The following ARFGEF1 variants were observed in gnomAD, a reference collection of about 807,000 sequenced individuals.
ARFGEF1 encodes ARF guanine nucleotide exchange factor 1.
Under a neutral mutation model 231.0 loss-of-function variants are expected in ARFGEF1, and 42 were observed. That is an observed-to-expected ratio of 0.18 (90% CI 0.14 to 0.24). The LOEUF is 0.24. ARFGEF1 is among the 10% of genes least tolerant of loss of function. The pLI, the probability that ARFGEF1 is intolerant of heterozygous loss-of-function variation, is 1.00. For synonymous variants in ARFGEF1, 710 were observed against 732.3 expected (o/e 0.97, Z 0.49); for missense variants, 1,345 against 2,192.0 (o/e 0.61, Z 7.72).
At chr8:67,216,997 CAA>C (rs751978111) in intron 32 of ARFGEF1, among the ~76,000 whole-genome samples, 3 of 127,766 alleles carry the variant, frequency 2.3e-5, no homozygotes, top group Non-Finnish European at 5.1e-5. Flanking sequence ...AGAGGCTTCT[CAA>C]AAAAAAAAAA....
chr8:67,225,031 A>G lies in ARFGEF1; in HGVS notation c.4080T>C (p.Ala1360=). 1.3e-6 allele frequency: 2 copies of G among 1,590,526 alleles called. No individual in the cohort carries two copies. Among genetic ancestry groups the G allele is most frequent in the Non-Finnish European group, 1.7e-6 (2 of 1,170,316 alleles). The change falls in exon 29 of 39, where the codon GCT becomes GCC. Residue 1360 remains alanine (A), a splice_region_variant and synonymous_variant. Coordinates refer to ENST00000262215, the MANE Select transcript of ARFGEF1 (RefSeq NM_006421.5). Reference sequence around the variant, plus strand: ...TATCATCGCTTGTGTATTCCTTGAAAGCCTTCAAGAAAAAAGGTAGGGTTA... The same window carrying G: ...TATCATCGCTTGTGTATTCCTTGAAGGCCTTCAAGAAAAAAGGTAGGGTTA... ...CAKYVSDRPQ[A]FKEYTSDDMN... is the part of the protein sequence containing the mutation.
Position 67,201,455 on chromosome 8 carries a change from C to G in ARFGEF1, c.5267+12G>C, listed in dbSNP as rs776340419. The G allele has an allele frequency of 6.2e-7, 1 of 1,600,466 alleles. No homozygotes were observed. Among genetic ancestry groups the G allele is most frequent in the Non-Finnish European group, 8.5e-7 (1 of 1,175,826 alleles). ...TACCTGGTCAGAGATGGAAATCAGT[C>G]AAAAGTCTTACTTCAAAAGCCTCTG... On this transcript the variant is annotated intron_variant, in intron 37 of 38. Transcript: ENST00000262215.
chr8:67,175,453 G>A, downstream of ARFGEF1: 1 of 1,613,904 alleles, frequency 6.2e-7, no homozygotes, highest in Non-Finnish European at 8.5e-7. Flanking sequence ...AATAATCATT[G>A]CTGTGTCAAA....
At chr8:67,179,270 A>G (rs182431940) in intron 5 of ARFGEF1, among the ~76,000 whole-genome samples, 6 of 152,194 alleles carry the variant, frequency 3.9e-5, no homozygotes, top group Admixed American at 2.6e-4. Flanking sequence ...ACTATACTAT[A>G]TGCTCCACTA....
intron 9 of ARFGEF1, among the ~76,000 whole-genome samples, chr8:67,273,732 T>C (rs887296272): frequency 3.3e-5 from 5 of 151,822 alleles, no homozygotes; most frequent in African/African-American, 1.2e-4. Flanking sequence ...ATGCAGCAAA[T>C]AGATAATTAC....
intron 1 of ARFGEF1, among the ~76,000 whole-genome samples, chr8:67,339,835 C>CAAAATGAAGTCTGACATAAG: frequency 9.6e-6 from 1 of 104,040 alleles, no homozygotes; most frequent in Non-Finnish European, 1.9e-5. Flanking sequence ...TTCTTTACTT[C>CAAAATGAAGTCTGACATAAG]AAAATGAAGT....
chr8:67,252,127 T>G (rs1840305503), intron 18 of ARFGEF1, among the ~76,000 whole-genome samples: 1 of 151,332 alleles, frequency 6.6e-6, no homozygotes, highest in African/African-American at 2.4e-5. Context: ...AAAAAATTAG[T>G]CAGGTGTGGT....
intron 1 of ARFGEF1, among the ~76,000 whole-genome samples, chr8:67,326,585 G>A (rs1012298654): frequency 1.3e-5 from 2 of 152,126 alleles, no homozygotes; most frequent in East Asian, 3.9e-4. Flanking sequence ...AACCAATTAG[G>A]TTCTCTCAAA....
At chr8:67,292,395 C>T (rs1587239841) in intron 5 of ARFGEF1, among the ~76,000 whole-genome samples, 1 of 152,054 alleles carries the variant, frequency 6.6e-6, no homozygotes, top group African/African-American at 2.4e-5. Flanking sequence ...ATGAAACACA[C>T]GCACACACAT....
intron 1 of ARFGEF1, among the ~76,000 whole-genome samples, chr8:67,326,614 T>G (rs1000975698): frequency 7.2e-5 from 11 of 152,348 alleles, no homozygotes; most frequent in Middle Eastern, 3.4e-3. Context: ...TTATTTCTTA[T>G]ATAATACTTA....
chr8:67,193,488 C>A (rs1017040124), downstream of ARFGEF1: 8 of 1,613,082 alleles, frequency 5.0e-6, no homozygotes, highest in African/African-American at 4.0e-5. Context: ...TAATGTAGCA[C>A]CAGATGGTCT....
In ARFGEF1 at chr8:67,252,282, CAAAAAAAAAAA is replaced by C. The variant is rs57653248; in HGVS notation, c.2699-843_2699-833del. Reference sequence around the variant, plus strand: ...CAGCCTGGGCAACAAAACTCCATCTCAAAAAAAAAAAAAAAAAAAAAAAAAAAGAGGCAATG... The same window carrying C: ...CAGCCTGGGCAACAAAACTCCATCTCAAAAAAAAAAAAAAAAGAGGCAATG... On this transcript the variant is annotated intron_variant, in intron 18 of 38. Coordinates refer to ENST00000262215, the MANE Select transcript of ARFGEF1 (RefSeq NM_006421.5). Among the ~76,000 whole-genome samples, 11 of 21,876 alleles carry C rather than the reference CAAAAAAAAAAA, an allele frequency of 5.0e-4. No homozygotes were observed. The East Asian group carries it at 8.3e-3, about 17-fold the overall frequency. The allele number at this position is 21,876 out of a possible 152,430, so 14.4% of individuals were successfully genotyped here.
intron 21 of ARFGEF1, 28 bp downstream of exon 21, chr8:67,238,707 T>C: frequency 6.2e-7 from 1 of 1,605,616 alleles, no homozygotes; most frequent in Non-Finnish European, 8.5e-7. Context: ...TAAACCAAAT[T>C]GCAAAGTTGA....
chr8:67,195,593 A>AAAT, downstream of ARFGEF1: 1 of 1,613,186 alleles, frequency 6.2e-7, no homozygotes, highest in Middle Eastern at 1.7e-4. Context: ...CACATGGTTA[A>AAAT]AATAAACCTG....
intron 5 of ARFGEF1, among the ~76,000 whole-genome samples, chr8:67,192,441 CAA>C (rs1836619124): frequency 6.6e-6 from 1 of 152,172 alleles, no homozygotes; most frequent in African/African-American, 2.4e-5. Flanking sequence ...ATTCTCACTA[CAA>C]GTCTAGTTAT....
chr8:67,298,934 T>A (rs562853544), intron 4 of ARFGEF1, among the ~76,000 whole-genome samples: 1 of 152,064 alleles, frequency 6.6e-6, no homozygotes, highest in South Asian at 2.1e-4. Context: ...CCCAGCTAAT[T>A]TTTTTGGTAT....
At chr8:67,333,246 G>C (rs1808186388) in intron 1 of ARFGEF1, among the ~76,000 whole-genome samples, 1 of 151,742 alleles carries the variant, frequency 6.6e-6, no homozygotes, top group Non-Finnish European at 1.5e-5. Flanking sequence ...TGTTGGCCAG[G>C]ATGGTCTCGA....
At chr8:67,177,414 C>G (rs1160100403) in intron 5 of ARFGEF1, among the ~76,000 whole-genome samples, 2 of 152,128 alleles carry the variant, frequency 1.3e-5, no homozygotes, top group Non-Finnish European at 2.9e-5. Context: ...CTGCATTGAT[C>G]ATTTTCTTTT....
In ARFGEF1 at chr8:67,258,231, T is replaced by C. The variant is rs376518679; in HGVS notation, c.2295A>G (p.Ala765=). ...CTGAAAAGTCATGTTGGTCCACATA[T>C]GCATACATGACTTCTTTGTTAAATT... The part of the protein sequence containing the change: ...NDKFNKEVMY[A]YVDQHDFSGK... The change falls in exon 16 of 39, where the codon GCA becomes GCG. Residue 765 remains alanine, a synonymous_variant. Transcript: ENST00000262215. 64 of 1,610,832 alleles carry C rather than the reference T, an allele frequency of 4.0e-5. No homozygotes were observed. The highest frequency in any genetic ancestry group is 5.2e-5 in the Non-Finnish European group (61 of 1,177,352).
Sources: allele counts gnomAD v4.1 joint callset (sites outside exome capture counted in the v4.1 genomes callset), GRCh38; gene constraint gnomAD v4.1.1; transcripts MANE v1.5; gene names NCBI Gene and HGNC (gene_info 2026-07-23, HGNC 2026-07-21).